Variants in NCAM1 observed in about 807,000 individuals in gnomAD.
NCAM1 encodes antigen recognized by monoclonal antibody 5.1H11.
NCAM1 carries 14 observed loss-of-function variants against 109.8 expected under a neutral mutation model. The ratio of observed to expected loss-of-function variants is 0.13; its 90% confidence interval spans 0.08 to 0.20. The LOEUF (loss-of-function observed/expected upper bound fraction) is 0.20. Ranked by LOEUF, NCAM1 falls within the 10% of genes least tolerant of loss-of-function variation. NCAM1 has a pLI of 1.00. For synonymous variants in NCAM1, 418 were observed against 442.9 expected, an observed-to-expected ratio of 0.94 and a Z score of 0.70; for missense variants, 774 against 1,109.9, an observed-to-expected ratio of 0.70 and a Z score of 4.30.
intron 1 of NCAM1, among the ~76,000 whole-genome samples, chr11:113,011,976 C>T (rs149413970): frequency 9.1e-6 from 1 of 110,318 alleles, no homozygotes; most frequent in African/African-American, 3.0e-5. Flanking sequence ...TCCTTCCTTC[C>T]TTCCTTCCTT....
At chr11:112,971,888 G>C (rs892282463) in intron 1 of NCAM1, among the ~76,000 whole-genome samples, 1 of 152,232 alleles carries the variant, frequency 6.6e-6, no homozygotes, top group African/African-American at 2.4e-5. Context: ...AGAGGTCCTT[G>C]TTAGATTAAA....
At chr11:113,248,703 T>C (rs1328152055) in intron 15 of NCAM1, among the ~76,000 whole-genome samples, 2 of 152,082 alleles carry the variant, frequency 1.3e-5, no homozygotes, top group Non-Finnish European at 2.9e-5. Context: ...CTACCCTGAG[T>C]TCAGTGGGAC....
At chr11:113,119,989 T>C (rs1364502619) in intron 1 of NCAM1, among the ~76,000 whole-genome samples, 1 of 152,194 alleles carries the variant, frequency 6.6e-6, no homozygotes, top group Non-Finnish European at 1.5e-5. Flanking sequence ...ACTAAATTGC[T>C]GGAGGATGAA....
intron 8 of NCAM1, among the ~76,000 whole-genome samples, chr11:113,218,485 A>T (rs1944592622): frequency 6.6e-6 from 1 of 152,218 alleles, no homozygotes; most frequent in Non-Finnish European, 1.5e-5. Flanking sequence ...TCTTAAGGGA[A>T]GAGGTGGAAA....
chr11:113,273,631 A>G lies in NCAM1; in HGVS notation c.2457-1636A>G, dbSNP rs1565543690. ...AAGACCCCAGATATTGACCTTGCAA[A>G]GGATGTTTTTGCAGCCCTGGGCTCT... On this transcript the variant is annotated intron_variant, in intron 19 of 19. Transcript: ENST00000316851. The surrounding 1 kb of genome is among the most constrained non-coding windows in gnomAD (Gnocchi z 6.0). 2.2e-6 allele frequency: 1 copy of G among 454,922 alleles called. No individual in the cohort carries two copies. Among genetic ancestry groups the G allele is most frequent in the Non-Finnish European group, 4.4e-6 (1 of 225,898 alleles). 28.2% of individuals were successfully genotyped at this position (454,922 alleles called of 1,614,324 possible).
At chr11:113,148,269 C>T (rs113551440) in intron 1 of NCAM1, among the ~76,000 whole-genome samples, 22 of 152,222 alleles carry the variant, frequency 1.4e-4, no homozygotes, top group African/African-American at 5.3e-4. Flanking sequence ...GCTCATGTCG[C>T]CATGATAACA....
At chr11:113,213,330 C>A (rs145530821) in intron 7 of NCAM1, among the ~76,000 whole-genome samples, 2 of 152,188 alleles carry the variant, frequency 1.3e-5, no homozygotes, top group Non-Finnish European at 2.9e-5. Context: ...ACACAAAGTT[C>A]AGCAATTTCA....
chr11:113,116,780 C>G (rs1363390843), intron 1 of NCAM1, among the ~76,000 whole-genome samples: 1 of 151,742 alleles, frequency 6.6e-6, no homozygotes, highest in African/African-American at 2.4e-5. Context: ...GAGGCTCTTT[C>G]TATGTCCTTT....
chr11:113,191,624 A>C (rs782803258), intron 1 of NCAM1, among the ~76,000 whole-genome samples: 1 of 152,182 alleles, frequency 6.6e-6, no homozygotes, highest in Non-Finnish European at 1.5e-5. Flanking sequence ...CAAATAGGAT[A>C]ATAGCAATAC....
chr11:113,078,734 G>A (rs1378646984), intron 1 of NCAM1, among the ~76,000 whole-genome samples: 2 of 152,058 alleles, frequency 1.3e-5, no homozygotes, highest in African/African-American at 2.4e-5. Context: ...AAGGCTATGC[G>A]GTAGTCCACA....
chr11:113,105,854 A>G (rs546738456), intron 1 of NCAM1, among the ~76,000 whole-genome samples: 1 of 152,362 alleles, frequency 6.6e-6, no homozygotes, highest in South Asian at 2.1e-4. Context: ...CTCTGTGAAT[A>G]TATTAAAAGC....
chr11:113,176,150 A>G (rs1943137340), intron 1 of NCAM1, among the ~76,000 whole-genome samples: 2 of 152,216 alleles, frequency 1.3e-5, no homozygotes, highest in African/African-American at 4.8e-5. Context: ...GAGAACACCA[A>G]GCTGGGAATC....
chr11:113,050,451 A>G (rs1287161237), intron 1 of NCAM1, among the ~76,000 whole-genome samples: 1 of 152,156 alleles, frequency 6.6e-6, no homozygotes, highest in African/African-American at 2.4e-5. Flanking sequence ...ATTTTCTTCA[A>G]AAAGTATAAT....
intron 1 of NCAM1, among the ~76,000 whole-genome samples, chr11:112,974,445 T>A (rs1950957542): frequency 6.6e-6 from 1 of 152,060 alleles, no homozygotes; most frequent in Non-Finnish European, 1.5e-5. Flanking sequence ...ACTGAAAGAC[T>A]GTGCAGAAAC....
chr11:113,240,543 G>A, intron 14 of NCAM1: 1 of 529,294 alleles, frequency 1.9e-6, no homozygotes, highest in East Asian at 3.2e-5. Flanking sequence ...GCTGTTCCTG[G>A]CCCAGACTTT....
At chr11:113,191,769 GTGTGTA>G (rs1185143822) in intron 1 of NCAM1, among the ~76,000 whole-genome samples, 49 of 110,326 alleles carry the variant, frequency 4.4e-4, no homozygotes, top group East Asian at 1.6e-3. Context: ...GTGTGTGTGT[GTGTGTA>G]TATATATATA....
intron 1 of NCAM1, among the ~76,000 whole-genome samples, chr11:113,009,975 T>A (rs1952005210): frequency 6.6e-6 from 1 of 151,904 alleles, no homozygotes. Flanking sequence ...GAGACCAGTG[T>A]ACAGGCTAAG....
At chr11:113,232,843 G>A (rs782292844) in intron 12 of NCAM1, 29 bp downstream of exon 12, 6 of 1,573,816 alleles carry the variant, frequency 3.8e-6, no homozygotes, top group South Asian at 3.3e-5. Flanking sequence ...CCTGAGAGCA[G>A]CTGCCACAAC....
intron 15 of NCAM1, among the ~76,000 whole-genome samples, chr11:113,251,415 CA>C (rs2137519653): frequency 6.6e-6 from 1 of 152,300 alleles, no homozygotes; most frequent in Admixed American, 6.5e-5. Flanking sequence ...CAGAAATATA[CA>C]TTTCAATTAT....
Sources: allele counts gnomAD v4.1 joint callset (sites outside exome capture counted in the v4.1 genomes callset), GRCh38; gene constraint gnomAD v4.1.1; non-coding constraint Gnocchi (gnomAD v3.1); transcripts MANE v1.5; gene names NCBI Gene and HGNC (gene_info 2026-07-23, HGNC 2026-07-21).